Variants in DTNB observed in about 807,000 individuals in gnomAD.
DTNB encodes DTN-B.
A neutral mutation model predicts 90.7 loss-of-function variants in DTNB; 63 were observed. That is an observed-to-expected ratio of 0.69 (90% CI 0.57 to 0.86). The LOEUF is 0.86. DTNB is among the 40% of genes least tolerant of loss of function. DTNB has a pLI of 0.00. For synonymous variants in DTNB, 277 were observed against 286.7 expected (o/e 0.97, Z 0.34); for missense variants, 744 against 807.1 (o/e 0.92, Z 0.95).
At chr2:25,510,254 G>T (rs1005623183) in intron 9 of DTNB, among the ~76,000 whole-genome samples, 1 of 149,802 alleles carries the variant, frequency 6.7e-6, no homozygotes, top group Non-Finnish European at 1.5e-5. Context: ...AGTTTTATTT[G>T]ATTCCTTTTC....
chr2:25,576,145 T>G (rs1385500324), intron 8 of DTNB, among the ~76,000 whole-genome samples: 1 of 151,932 alleles, frequency 6.6e-6, no homozygotes, highest in Non-Finnish European at 1.5e-5. Context: ...AAATTTTGCT[T>G]GCAAAAAGAA....
chr2:25,496,329 T>C (rs1474003977), intron 9 of DTNB, among the ~76,000 whole-genome samples: 2 of 152,210 alleles, frequency 1.3e-5, no homozygotes, highest in Non-Finnish European at 2.9e-5. Flanking sequence ...GTTCCTACTT[T>C]ATGTAGATGC....
chr2:25,515,427 A>G (rs1353664884), intron 9 of DTNB, among the ~76,000 whole-genome samples: 1 of 152,234 alleles, frequency 6.6e-6, no homozygotes, highest in Admixed American at 6.5e-5. Flanking sequence ...CTATAAGGAC[A>G]GATACACACA....
intron 16 of DTNB, among the ~76,000 whole-genome samples, chr2:25,417,003 A>G (rs2048160912): frequency 6.6e-6 from 1 of 152,246 alleles, no homozygotes; most frequent in South Asian, 2.1e-4. Context: ...ACGTAAAGTC[A>G]TTCAGTCCAA....
chr2:25,377,584 G>A (rs1011386019), intron 20 of DTNB, 31 bp from the exon 21 acceptor site: 1 of 152,486 alleles, frequency 6.6e-6, no homozygotes, highest in Non-Finnish European at 1.5e-5. Flanking sequence ...GTTAGTCACG[G>A]GCACTGTTGA....
intron 10 of DTNB, among the ~76,000 whole-genome samples, chr2:25,475,546 GA>G (rs547215580): frequency 1.6e-4 from 25 of 152,260 alleles, no homozygotes; most frequent in Non-Finnish European, 3.4e-4. Context: ...AAGTTGTCCA[GA>G]AGATCTAGCT....
intron 2 of DTNB, among the ~76,000 whole-genome samples, chr2:25,646,442 A>G (rs2148892236): frequency 6.6e-6 from 1 of 152,098 alleles, no homozygotes; most frequent in Non-Finnish European, 1.5e-5. Context: ...ATTGCACTCC[A>G]GCCTGGGTGA....
At chr2:25,584,944 T>C (rs191190651) in intron 6 of DTNB, among the ~76,000 whole-genome samples, 134 of 152,304 alleles carry the variant, frequency 8.8e-4, no homozygotes, top group Admixed American at 2.4e-3. Context: ...TTTTACAGTA[T>C]AATGAAGTCC....
Position 25,462,893 on chromosome 2 carries a change from CG to C in DTNB, c.1080-7400del, listed in dbSNP as rs760092231. Reference sequence around the variant, plus strand: ...TAATTTTTTGTATTTTTAGTAGAGACGGGGTTTCACCATTTTAGCCGGGATG... The same window carrying C: ...TAATTTTTTGTATTTTTAGTAGAGACGGGTTTCACCATTTTAGCCGGGATG... On this transcript the variant is annotated intron_variant, in intron 10 of 20. Coordinates refer to ENST00000406818, the MANE Select transcript of DTNB (RefSeq NM_021907.5). 3.3e-5 allele frequency among the ~76,000 whole-genome samples: 5 copies of C among 151,988 alleles called. No homozygotes were observed. The South Asian group carries it at 8.3e-4, about 25-fold the overall frequency.
chr2:25,403,248 T>G (rs1467842982), intron 16 of DTNB, among the ~76,000 whole-genome samples: 3 of 152,168 alleles, frequency 2.0e-5, no homozygotes, highest in African/African-American at 7.2e-5. Flanking sequence ...CCAGAATAGC[T>G]GGGATTACGG....
chr2:25,552,806 A>G (rs1339549808), intron 8 of DTNB, among the ~76,000 whole-genome samples: 1 of 151,372 alleles, frequency 6.6e-6, no homozygotes, highest in African/African-American at 2.4e-5. Flanking sequence ...AGTTCATAAA[A>G]ATTTATTTTG....
At chr2:25,432,850 A>G (rs762300868) in intron 14 of DTNB, 36 bp downstream of exon 14, 111 of 1,556,052 alleles carry the variant, frequency 7.1e-5, no homozygotes, top group Non-Finnish European at 9.3e-5. Context: ...TCCATAGTAG[A>G]TTACATGTGG....
At chr2:25,513,071 G>T (rs1348307804) in intron 9 of DTNB, among the ~76,000 whole-genome samples, 2 of 152,210 alleles carry the variant, frequency 1.3e-5, no homozygotes, top group Non-Finnish European at 2.9e-5. Flanking sequence ...GTTTTGAGAA[G>T]AATGAAAGAG....
chr2:25,620,395 G>C (rs1315250520), intron 4 of DTNB, among the ~76,000 whole-genome samples: 1 of 151,616 alleles, frequency 6.6e-6, no homozygotes, highest in Non-Finnish European at 1.5e-5. Flanking sequence ...GAATGGACAG[G>C]AGAAGTCTCT....
chr2:25,556,757 A>C (rs1308055141), intron 8 of DTNB, among the ~76,000 whole-genome samples: 2 of 152,214 alleles, frequency 1.3e-5, no homozygotes, highest in Non-Finnish European at 2.9e-5. Flanking sequence ...TAATTAAAGG[A>C]TATACAGAGG....
chr2:25,578,065 T>C (rs2148159994), intron 7 of DTNB, among the ~76,000 whole-genome samples: 1 of 152,264 alleles, frequency 6.6e-6, no homozygotes, highest in East Asian at 1.9e-4. Flanking sequence ...TGAACAACTC[T>C]TTCTAGCATT....
chr2:25,652,892 G>T, intron 1 of DTNB: 1 of 380,682 alleles, frequency 2.6e-6, no homozygotes. Context: ...TCATACACTT[G>T]CTTACTGTGC....
At position 25,621,441 on chromosome 2, in the gene DTNB, A is replaced by T. The variant is rs917965192; in HGVS notation, c.362+6730T>A. Reference sequence around the variant, plus strand: ...AAATGGATTCAAATTAAACTGCTAAATCAACTTTTTTTTTTTTTTTTTGAG... The same window carrying T: ...AAATGGATTCAAATTAAACTGCTAATTCAACTTTTTTTTTTTTTTTTTGAG... On this transcript the variant is annotated intron_variant, in intron 4 of 20. Coordinates refer to ENST00000406818, the MANE Select transcript of DTNB (RefSeq NM_021907.5). Among the ~76,000 whole-genome samples, 3 of 140,912 alleles carry T rather than the reference A, an allele frequency of 2.1e-5. No homozygotes were observed. In the Admixed American group the frequency reaches 2.2e-4, roughly 10 times the overall value. 92.4% of individuals were successfully genotyped at this position (140,912 alleles called of 152,430 possible). A position where few individuals can be genotyped will look rare whatever the true frequency, so the allele number is the denominator to read the frequency against.
At chr2:25,432,571 A>T (rs946036597) in intron 14 of DTNB, among the ~76,000 whole-genome samples, 1 of 152,244 alleles carries the variant, frequency 6.6e-6, no homozygotes. Flanking sequence ...CAGACAAATT[A>T]GCAAGTTAAG....
Sources: gnomAD v4.1 joint callset for allele counts (sites outside exome capture counted in the v4.1 genomes callset) on GRCh38, gnomAD v4.1.1 for gene constraint, MANE v1.5 for transcripts, NCBI Gene and HGNC (gene_info 2026-07-23, HGNC 2026-07-21) for gene names.